The following SV2B variants were observed in gnomAD, a reference collection of about 807,000 sequenced individuals.
SV2B encodes the protein synaptic vesicle glycoprotein 2B.
A neutral mutation model predicts 73.9 loss-of-function variants in SV2B; 41 were observed. That is an observed-to-expected ratio of 0.56 (90% CI 0.43 to 0.72). The LOEUF (loss-of-function observed/expected upper bound fraction) is 0.72, where lower values mean the gene tolerates loss of function less well. Ranked by LOEUF, SV2B falls within the 30% of genes least tolerant of loss-of-function variation. The pLI, the probability that SV2B is intolerant of heterozygous loss-of-function variation, is 0.00. For missense variants in SV2B, 764 were observed against 857.8 expected (o/e 0.89, Z 1.37); for synonymous variants, 314 against 314.2 (o/e 1.00, Z 0.01).
intron 10 of SV2B, among the ~76,000 whole-genome samples, chr15:91,282,414 C>A (rs1478302077): frequency 2.0e-5 from 3 of 152,114 alleles, no homozygotes; most frequent in Admixed American, 6.5e-5. Context: ...ACCACTACAC[C>A]TCTTCTTGTT....
intron 1 of SV2B, among the ~76,000 whole-genome samples, chr15:91,219,928 C>T (rs1445195208): frequency 6.6e-6 from 1 of 152,206 alleles, no homozygotes; most frequent in African/African-American, 2.4e-5. Flanking sequence ...GTAATGTTCA[C>T]CCAGGTTATA....
chr15:91,238,705 G>A (rs895806527), intron 2 of SV2B, among the ~76,000 whole-genome samples: 2 of 152,102 alleles, frequency 1.3e-5, no homozygotes, highest in Non-Finnish European at 2.9e-5. Flanking sequence ...AGGGGAAACT[G>A]CAGGGGTCTG....
At position 91,224,533 on chromosome 15, in the gene SV2B, GC is replaced by G. The variant is rs1425784811; in HGVS notation, c.-391-1339del. Among the ~76,000 whole-genome samples the G allele has an allele frequency of 6.6e-6, 1 of 152,148 alleles. No homozygotes were observed. Among genetic ancestry groups the G allele is most frequent in the Non-Finnish European group, 1.5e-5 (1 of 68,022 alleles). ...GCTTGAAGCAGCCCTTCTTCATTAC[GC>G]TCTGGGAATCTGTATTTTTAAAGCT... On this transcript the variant is annotated intron_variant, in intron 1 of 12. Coordinates refer to ENST00000394232, the MANE Select transcript of SV2B (RefSeq NM_001323032.3). This position sits in a 1 kb window ranked among gnomAD's most constrained non-coding sequence, Gnocchi z 4.9.
intron 6 of SV2B, among the ~76,000 whole-genome samples, chr15:91,262,669 G>T (rs767380202): frequency 2.0e-5 from 3 of 151,874 alleles, no homozygotes; most frequent in African/African-American, 7.3e-5. Context: ...GTGTTCACAA[G>T]TTCTCATCAT....
chr15:91,133,511 G>A (rs2086794002), intron 1 of SV2B, among the ~76,000 whole-genome samples: 1 of 152,042 alleles, frequency 6.6e-6, no homozygotes, highest in African/African-American at 2.4e-5. Flanking sequence ...GGCACAAATA[G>A]CACATCTCTA....
rs563899193 is a variant in SV2B at position 91,136,663 on chromosome 15, C to A, written c.-392+36300C>A. 6.6e-6 allele frequency among the ~76,000 whole-genome samples: 1 copy of A among 152,324 alleles called. No individual in the cohort carries two copies. The highest frequency in any genetic ancestry group is 1.9e-4 in the East Asian group (1 of 5,182). ...AAGGAAGCTCTAGGTTCCCGTAAGG[C>A]AGACTGCCTTTTTAGTTGTCAGCAG... On this transcript the variant is annotated intron_variant, in intron 1 of 12. Coordinates refer to ENST00000394232, the MANE Select transcript of SV2B (RefSeq NM_001323032.3). The surrounding 1 kb of genome is among the most constrained non-coding windows in gnomAD (Gnocchi z 5.6).
At chr15:91,145,601 C>T (rs568799598) in intron 1 of SV2B, among the ~76,000 whole-genome samples, 1 of 152,278 alleles carries the variant, frequency 6.6e-6, no homozygotes, top group South Asian at 2.1e-4. Flanking sequence ...TTTACATTCC[C>T]ATCAACAGTG....
At chr15:91,266,509 C>T in intron 6 of SV2B, 73 bp from the exon 7 acceptor site, 1 of 1,163,472 alleles carries the variant, frequency 8.6e-7, no homozygotes, top group East Asian at 2.4e-5. Flanking sequence ...TAAATAGTTA[C>T]ATTAAACTAC....
chr15:91,252,387 G>T lies in SV2B; in HGVS notation c.651G>T (p.Pro217=). Residue 217 remains proline, a synonymous_variant, in exon 4 of 13, where the codon CCG becomes CCT. Coordinates refer to ENST00000394232, the MANE Select transcript of SV2B (RefSeq NM_001323032.3). This position sits in a 1 kb window ranked among gnomAD's most constrained non-coding sequence, Gnocchi z 4.6. ...TTTGCAGTATTGGGGGTGCTCTACC[G>T]ATTGTTTTTGCCTATTTTTCTGAAT... ...ISGIGIGGAL[P]IVFAYFSEFL... 2 of 1,612,324 alleles carry T rather than the reference G, an allele frequency of 1.2e-6. No homozygotes were observed. Among genetic ancestry groups the T allele is most frequent in the East Asian group, 2.2e-5 (1 of 44,806 alleles).
At chr15:91,146,322 C>T (rs189194105) in intron 1 of SV2B, among the ~76,000 whole-genome samples, 24 of 152,162 alleles carry the variant, frequency 1.6e-4, no homozygotes, top group Admixed American at 1.5e-3. Flanking sequence ...CTTTATGAAC[C>T]AGTACCATGC....
At chr15:91,291,942 C>A (rs754466298) in intron 12 of SV2B, among the ~76,000 whole-genome samples, 1 of 152,136 alleles carries the variant, frequency 6.6e-6, no homozygotes, top group South Asian at 2.1e-4. Flanking sequence ...TGGGGAAATG[C>A]TGTTTGTGGG....
chr15:91,112,467 C>G (rs1055420778), intron 1 of SV2B, among the ~76,000 whole-genome samples: 1 of 152,164 alleles, frequency 6.6e-6, no homozygotes. Flanking sequence ...CTTGGAAATG[C>G]TCTGAGGCAC....
At chr15:91,173,802 A>G (rs887587443) in intron 1 of SV2B, among the ~76,000 whole-genome samples, 2 of 152,178 alleles carry the variant, frequency 1.3e-5, no homozygotes, top group Non-Finnish European at 2.9e-5. Context: ...GCTGGAGAAA[A>G]TGTTGGGCAA....
At chr15:91,286,286 T>A (rs1330365366) in intron 11 of SV2B, among the ~76,000 whole-genome samples, 2 of 152,164 alleles carry the variant, frequency 1.3e-5, no homozygotes, top group East Asian at 3.9e-4. Flanking sequence ...AATAGCCCTA[T>A]CCCCACCTCT....
intron 1 of SV2B, among the ~76,000 whole-genome samples, chr15:91,193,068 C>T (rs1048273607): frequency 6.6e-6 from 1 of 152,216 alleles, no homozygotes; most frequent in East Asian, 1.9e-4. Context: ...GTGGTCCCTT[C>T]GACTCAGTTC....
chr15:91,201,631 C>G (rs1307158116), intron 1 of SV2B, among the ~76,000 whole-genome samples: 1 of 152,228 alleles, frequency 6.6e-6, no homozygotes, highest in Admixed American at 6.5e-5. Flanking sequence ...TTCCCACAGG[C>G]CTTTTCATCT....
At chr15:91,102,542 C>T (rs770438276) in intron 1 of SV2B, among the ~76,000 whole-genome samples, 15 of 152,294 alleles carry the variant, frequency 9.8e-5, no homozygotes, top group African/African-American at 1.4e-4. Context: ...AGCCATTGCT[C>T]TATGTGTGGA....
chr15:91,210,790 A>G (rs1415246867), intron 1 of SV2B, among the ~76,000 whole-genome samples: 1 of 152,242 alleles, frequency 6.6e-6, no homozygotes, highest in African/African-American at 2.4e-5. Context: ...GTTCAAACGA[A>G]CCAGAAGCTA....
intron 2 of SV2B, among the ~76,000 whole-genome samples, chr15:91,243,347 T>G (rs1418762905): frequency 6.6e-6 from 1 of 152,214 alleles, no homozygotes; most frequent in Non-Finnish European, 1.5e-5. Flanking sequence ...GCTGCTTTTC[T>G]GAAACATCTC....
Sources: allele counts gnomAD v4.1 joint callset (sites outside exome capture counted in the v4.1 genomes callset), GRCh38; gene constraint gnomAD v4.1.1; non-coding constraint Gnocchi (gnomAD v3.1); transcripts MANE v1.5; gene names NCBI Gene and HGNC (gene_info 2026-07-23, HGNC 2026-07-21).